The following TTC21B variants were observed in gnomAD, a reference collection of about 807,000 sequenced individuals.
The protein encoded by TTC21B is tetratricopeptide repeat domain 21B, also known as tetratricopeptide repeat protein 21B.
TTC21B carries 127 observed loss-of-function variants against 175.1 expected under a neutral mutation model. The ratio of observed to expected loss-of-function variants is 0.73; its 90% confidence interval spans 0.63 to 0.84. The LOEUF is 0.84. Ranked by LOEUF, TTC21B falls within the 40% of genes least tolerant of loss-of-function variation. The probability of loss-of-function intolerance (pLI) is 0.00; values close to 1 mark genes in which losing one functional copy is unlikely to be tolerated. For synonymous variants in TTC21B, 524 were observed against 524.5 expected (o/e 1.00, Z 0.01); for missense variants, 1,561 against 1,558.3 (o/e 1.00, Z -0.03).
intron 28 of TTC21B, among the ~76,000 whole-genome samples, chr2:165,875,210 T>C (rs1043063237): frequency 2.6e-5 from 4 of 152,128 alleles, no homozygotes; most frequent in Non-Finnish European, 5.9e-5. Flanking sequence ...TAGCTTTACC[T>C]GAAATGATCT....
At chr2:165,903,730 C>A (rs1405573393) in intron 19 of TTC21B, among the ~76,000 whole-genome samples, 1 of 152,142 alleles carries the variant, frequency 6.6e-6, no homozygotes, top group Non-Finnish European at 1.5e-5. Context: ...CCGTCATTGC[C>A]AAAAATGTTT....
chr2:165,887,833 G>A (rs918233170), intron 25 of TTC21B, among the ~76,000 whole-genome samples: 1 of 152,196 alleles, frequency 6.6e-6, no homozygotes, highest in African/African-American at 2.4e-5. Flanking sequence ...TTATTTGTAT[G>A]ACTAAATTAT....
chr2:165,897,448 G>A (rs1316897253), intron 22 of TTC21B, among the ~76,000 whole-genome samples: 1 of 152,132 alleles, frequency 6.6e-6, no homozygotes. Context: ...TGTGAGGTCT[G>A]GGCCGGCACA....
intron 18 of TTC21B, among the ~76,000 whole-genome samples, chr2:165,909,975 G>A (rs1685875220): frequency 6.6e-6 from 1 of 152,176 alleles, no homozygotes; most frequent in African/African-American, 2.4e-5. Flanking sequence ...AAAGATGGGG[G>A]CAGGGAGACT....
intron 28 of TTC21B, 98 bp downstream of exon 28, chr2:165,876,067 A>C (rs1684655068): frequency 1.3e-6 from 1 of 754,644 alleles, no homozygotes; most frequent in South Asian, 1.4e-5. Context: ...AACTAAAATA[A>C]TGTATCCTCT....
rs1489034088 is a variant in TTC21B, at chr2:165,929,335, C to T, written c.1186G>A (p.Glu396Lys). The T allele has an allele frequency of 6.3e-7, 1 of 1,597,456 alleles. No individual in the cohort carries two copies. Among genetic ancestry groups the T allele is most frequent in the African/African-American group, 1.3e-5 (1 of 74,440 alleles). ...EIQQSIGKSA[E>K]LIYLHAVLAM... ...AGAACTGCATGTAAATAGATTAATT[C>T]CTAGAAAATAAGTAGTTTTCATAAA... The change falls in exon 11 of 29, where the codon GAA (glutamate) becomes AAA (lysine). Residue 396 changes from glutamate (E) to lysine (K), a missense_variant and splice_region_variant. Coordinates refer to ENST00000243344, the MANE Select transcript of TTC21B (RefSeq NM_024753.5).
intron 19 of TTC21B, 89 bp downstream of exon 19, chr2:165,907,587 CAA>C (rs570142282): frequency 5.2e-5 from 43 of 833,472 alleles, no homozygotes; most frequent in Admixed American, 2.5e-4. Flanking sequence ...GCTGTTTGGC[CAA>C]AAGAGATTGC....
chr2:165,938,395 C>T (rs1430538289), intron 6 of TTC21B, among the ~76,000 whole-genome samples: 1 of 152,032 alleles, frequency 6.6e-6, no homozygotes, highest in Non-Finnish European at 1.5e-5. Context: ...AATCAAGCAC[C>T]TAGTTATTGA....
intron 13 of TTC21B, among the ~76,000 whole-genome samples, chr2:165,917,980 G>A (rs998863946): frequency 2.6e-5 from 4 of 151,974 alleles, no homozygotes; most frequent in African/African-American, 4.8e-5. Flanking sequence ...CCATCTTTAC[G>A]TTGGCTATCA....
intron 6 of TTC21B, chr2:165,934,138 T>C (rs904623224): frequency 2.6e-5 from 4 of 152,170 alleles, no homozygotes; most frequent in African/African-American, 7.2e-5. Flanking sequence ...TATACACCAA[T>C]AGCTGCCTGA....
At chr2:165,920,701 T>C (rs16851296) in intron 12 of TTC21B, among the ~76,000 whole-genome samples, 2,797 of 137,548 alleles carry the variant, frequency 0.02, 124 homozygotes, top group Admixed American at 0.11. Flanking sequence ...ATGAGAATCT[T>C]TGTTTCTTTT....
chr2:165,877,924 A>C (rs931217808), intron 27 of TTC21B, among the ~76,000 whole-genome samples: 1 of 152,172 alleles, frequency 6.6e-6, no homozygotes, highest in Non-Finnish European at 1.5e-5. Flanking sequence ...AAAGTAAAGC[A>C]ATTTTTAAGA....
chr2:165,949,834 G>T, intron 1 of TTC21B, 110 bp from the exon 2 acceptor site: 2 of 1,135,036 alleles, frequency 1.8e-6, no homozygotes, highest in Non-Finnish European at 2.5e-6. Context: ...CAGGCAATGT[G>T]ACTTTTTTCT....
At chr2:165,879,894 A>G (rs1226880855) in intron 27 of TTC21B, 1 of 152,280 alleles carries the variant, frequency 6.6e-6, no homozygotes, top group Non-Finnish European at 1.5e-5. Flanking sequence ...GGAAGAATGG[A>G]CAAGTAACTG....
intron 21 of TTC21B, 61 bp downstream of exon 21, chr2:165,899,709 G>T: frequency 8.9e-7 from 1 of 1,121,810 alleles, no homozygotes; most frequent in Admixed American, 1.7e-5. Flanking sequence ...GTTCCATGGG[G>T]TAAAATTTAA....
chr2:165,907,987 A>G (rs1685798770), intron 18 of TTC21B, among the ~76,000 whole-genome samples: 1 of 152,170 alleles, frequency 6.6e-6, no homozygotes, highest in East Asian at 1.9e-4. Context: ...GGCTGGATGA[A>G]AAGTTAAAGA....
intron 19 of TTC21B, among the ~76,000 whole-genome samples, chr2:165,902,617 C>T (rs1685606086): frequency 6.6e-6 from 1 of 151,838 alleles, no homozygotes. Flanking sequence ...AACATTAATA[C>T]TGTCTCATGA....
intron 13 of TTC21B, 141 bp from the exon 14 acceptor site, chr2:165,917,622 A>T (rs1686226098): frequency 1.4e-6 from 1 of 736,118 alleles, no homozygotes; most frequent in Non-Finnish European, 2.3e-6. Context: ...CTGCCCTCTT[A>T]TTAACCCTCT....
At chr2:165,952,630 C>T (rs1358911901) in intron 1 of TTC21B, among the ~76,000 whole-genome samples, 1 of 152,000 alleles carries the variant, frequency 6.6e-6, no homozygotes, top group African/African-American at 2.4e-5. Flanking sequence ...GGTGGCAGTG[C>T]AAATAATACA....
Sources: allele counts gnomAD v4.1 joint callset (sites outside exome capture counted in the v4.1 genomes callset), GRCh38; gene constraint gnomAD v4.1.1; transcripts MANE v1.5; gene names NCBI Gene and HGNC (gene_info 2026-07-23, HGNC 2026-07-21).